The following HDAC9 variants were observed in gnomAD, a reference collection of about 807,000 sequenced individuals.
HDAC9 encodes the protein MEF-2 interacting transcription repressor (MITR) protein.
Under a neutral mutation model 139.4 loss-of-function variants are expected in HDAC9, and 41 were observed. The ratio of observed to expected loss-of-function variants is 0.29; its 90% confidence interval spans 0.23 to 0.38. HDAC9 has a LOEUF of 0.38. Ranked by LOEUF, HDAC9 falls within the 10% of genes least tolerant of loss-of-function variation. The pLI is 1.00. For missense variants in HDAC9, 1,147 were observed against 1,297.0 expected, an observed-to-expected ratio of 0.88 and a Z score of 1.78; for synonymous variants, 517 against 476.2, an observed-to-expected ratio of 1.09 and a Z score of -1.12.
intron 12 of HDAC9, among the ~76,000 whole-genome samples, chr7:18,695,477 G>A (rs1201192858): frequency 6.6e-6 from 1 of 152,186 alleles, no homozygotes; most frequent in African/African-American, 2.4e-5. Context: ...ATTTGAAAGA[G>A]TAGAAGGAGT....
chr7:18,971,844 AG>A (rs1784260952), intron 24 of HDAC9, among the ~76,000 whole-genome samples: 1 of 152,224 alleles, frequency 6.6e-6, no homozygotes, highest in Non-Finnish European at 1.5e-5. Context: ...TTATCCAAAA[AG>A]GTCTCAACTA....
At chr7:18,094,299 T>G (rs1014734171) in intron 1 of HDAC9, among the ~76,000 whole-genome samples, 1 of 152,198 alleles carries the variant, frequency 6.6e-6, no homozygotes, top group Non-Finnish European at 1.5e-5. Context: ...TCAGGAAGTC[T>G]CTAAATAAAC....
intron 2 of HDAC9, among the ~76,000 whole-genome samples, chr7:18,169,964 G>C (rs1656894863): frequency 6.6e-6 from 1 of 152,052 alleles, no homozygotes; most frequent in East Asian, 1.9e-4. Context: ...TAATCCTTTG[G>C]GTATATACTC....
intron 2 of HDAC9, among the ~76,000 whole-genome samples, chr7:18,546,825 G>T (rs974751545): frequency 2.0e-5 from 3 of 152,146 alleles, no homozygotes; most frequent in African/African-American, 7.2e-5. Context: ...TGTGTGTTTT[G>T]TGGCCTTGCT....
At chr7:18,311,349 TAATG>T (rs1173501422) in intron 1 of HDAC9, among the ~76,000 whole-genome samples, 3 of 152,124 alleles carry the variant, frequency 2.0e-5, no homozygotes, top group Admixed American at 6.6e-5. Flanking sequence ...GGAAAAGAAA[TAATG>T]AATCAACTTT....
chr7:18,956,932 C>CT (rs987332700), intron 24 of HDAC9, among the ~76,000 whole-genome samples: 7 of 152,250 alleles, frequency 4.6e-5, no homozygotes, highest in African/African-American at 1.4e-4. Context: ...GCCTAAAATT[C>CT]TTACTGCGTT....
At chr7:18,335,660 T>C (rs1354856201) in intron 1 of HDAC9, among the ~76,000 whole-genome samples, 1 of 151,436 alleles carries the variant, frequency 6.6e-6, no homozygotes, top group Non-Finnish European at 1.5e-5. Flanking sequence ...AGGGTGGGGG[T>C]AAATGCTGAG....
At chr7:18,980,981 G>T (rs1378231860) in intron 25 of HDAC9, among the ~76,000 whole-genome samples, 1 of 151,786 alleles carries the variant, frequency 6.6e-6, no homozygotes, top group Non-Finnish European at 1.5e-5. Flanking sequence ...GTGCCACCAT[G>T]GCCAGCTAAT....
intron 21 of HDAC9, among the ~76,000 whole-genome samples, chr7:18,872,961 A>G (rs776337060): frequency 1.3e-5 from 2 of 152,172 alleles, no homozygotes; most frequent in Non-Finnish European, 2.9e-5. Flanking sequence ...AAAGGAGTAC[A>G]TAGGATTAAT....
chr7:18,961,432 C>A (rs1375773055), intron 24 of HDAC9, among the ~76,000 whole-genome samples: 3 of 152,038 alleles, frequency 2.0e-5, no homozygotes, highest in Non-Finnish European at 4.4e-5. Context: ...GATCAGCTCC[C>A]ACGATAGGAA....
chr7:18,733,295 T>C (rs976499997), intron 13 of HDAC9, among the ~76,000 whole-genome samples: 1 of 149,480 alleles, frequency 6.7e-6, no homozygotes, highest in Non-Finnish European at 1.5e-5. Flanking sequence ...TATATGTGTA[T>C]ATATGTGTAT....
intron 21 of HDAC9, among the ~76,000 whole-genome samples, chr7:18,862,006 AT>A (rs1798145220): frequency 6.6e-6 from 1 of 151,916 alleles, no homozygotes; most frequent in Admixed American, 6.6e-5. Context: ...TAGTGAAATG[AT>A]ATGGACTCAC....
upstream of HDAC9, among the ~76,000 whole-genome samples, chr7:18,288,473 C>CTCT (rs944408924): frequency 7.9e-5 from 12 of 152,262 alleles, no homozygotes; most frequent in African/African-American, 2.9e-4. Context: ...CACTTTCTTA[C>CTCT]TCTTCTTGAA....
intron 1 of HDAC9, among the ~76,000 whole-genome samples, chr7:18,109,034 T>C (rs1003655738): frequency 1.3e-5 from 2 of 152,170 alleles, no homozygotes; most frequent in Non-Finnish European, 2.9e-5. Context: ...AAAAGTTTCA[T>C]GAAAGGAATA....
At chr7:18,660,376 A>C (rs1406798015) in intron 11 of HDAC9, among the ~76,000 whole-genome samples, 1 of 152,146 alleles carries the variant, frequency 6.6e-6, no homozygotes, top group Non-Finnish European at 1.5e-5. Context: ...TATTCCAGAG[A>C]AGATGAAAAA....
In HDAC9 at chr7:18,244,812, AAAT is replaced by A. The variant is rs55633844; in HGVS notation, c.25+82485_25+82487del. 1.3e-4 allele frequency among the ~76,000 whole-genome samples: 19 copies of A among 147,946 alleles called. No homozygotes were observed. In the South Asian group the frequency reaches 3.3e-3, roughly 25 times the overall value. ...GAGACAGAGTGAGCCTCTGTCTCAAAAATAATAATAATAATAATAATAATGTTG... is the reference window on the plus strand; with the variant it reads ...GAGACAGAGTGAGCCTCTGTCTCAAAAATAATAATAATAATAATAATGTTG... On this transcript the variant is annotated intron_variant, in intron 2 of 12. Transcript: ENST00000417496.
At chr7:18,169,781 G>T (rs1788281204) in intron 2 of HDAC9, among the ~76,000 whole-genome samples, 2 of 152,056 alleles carry the variant, frequency 1.3e-5, no homozygotes, top group South Asian at 4.1e-4. Flanking sequence ...CCATGCAAAG[G>T]ACATGAACTC....
chr7:18,975,736 G>T, intron 24 of HDAC9, 70 bp from the exon 25 acceptor site: 6 of 1,420,318 alleles, frequency 4.2e-6, no homozygotes, highest in Non-Finnish European at 5.9e-6. Context: ...TGAGTTGGAC[G>T]TATGTGAGTA....
At chr7:18,711,703 T>G (rs1166710261) in intron 12 of HDAC9, among the ~76,000 whole-genome samples, 1 of 152,196 alleles carries the variant, frequency 6.6e-6, no homozygotes, top group Non-Finnish European at 1.5e-5. Context: ...CAATGACTTT[T>G]TTGTCACAAA....
Sources: allele counts gnomAD v4.1 joint callset (sites outside exome capture counted in the v4.1 genomes callset), GRCh38; gene constraint gnomAD v4.1.1; transcripts MANE v1.5; gene names NCBI Gene and HGNC (gene_info 2026-07-23, HGNC 2026-07-21).